VWF: variants seen among roughly 807,000 people sequenced by gnomAD.
VWF encodes the protein Factor VIII related antigen.
VWF carries 176 observed loss-of-function variants against 308.6 expected under a neutral mutation model. The ratio of observed to expected loss-of-function variants is 0.57; its 90% CI spans 0.50 to 0.65. The LOEUF is 0.65. Among genes scored for constraint, VWF ranks in the 30% least tolerant of loss-of-function variants. The pLI, the probability that VWF is intolerant of heterozygous loss-of-function variation, is 0.00. For synonymous variants in VWF, 1,385 were observed against 1,443.4 expected (o/e 0.96, Z 0.92); for missense variants, 3,146 against 3,648.2 (o/e 0.86, Z 3.55).
intron 49 of VWF, 51 bp downstream of exon 49, chr12:5,952,340 C>T: frequency 1.2e-6 from 2 of 1,611,820 alleles, no homozygotes; most frequent in South Asian, 1.1e-5. Flanking sequence ...TCAGAAGAAT[C>T]TTGTTCTTAG....
At chr12:6,055,733 C>T (rs1944569619) in intron 15 of VWF, among the ~76,000 whole-genome samples, 1 of 140,722 alleles carries the variant, frequency 7.1e-6, no homozygotes, top group Non-Finnish European at 1.6e-5. Context: ...TCCAACAGGA[C>T]CATCTACTTT....
intron 6 of VWF, among the ~76,000 whole-genome samples, chr12:6,093,725 C>T (rs1945075622): frequency 6.6e-6 from 1 of 152,210 alleles, no homozygotes; most frequent in African/African-American, 2.4e-5. Flanking sequence ...AGGGAATTAC[C>T]CATTGAGTGA....
chr12:6,040,874 T>C (rs1591878340), intron 18 of VWF, among the ~76,000 whole-genome samples: 2 of 152,146 alleles, frequency 1.3e-5, no homozygotes, highest in East Asian at 3.9e-4. Context: ...CCCGCCAATA[T>C]TTTCAAACAG....
Position 6,047,699 on chromosome 12 carries a change from A to G in VWF, c.2187-882T>C, listed in dbSNP as rs7136872. 5.8e-3 allele frequency among the ~76,000 whole-genome samples: 879 copies of G among 152,348 alleles called. 9 individuals are homozygous for G. Among genetic ancestry groups the G allele is most frequent in the African/African-American group, 0.02 (817 of 41,588 alleles). ...TATGTATGTTTAGTTTGTATAAATG[A>G]TATCACATAGCATGCTGTGTTTTGC... On this transcript the variant is annotated intron_variant, in intron 16 of 51. Transcript: ENST00000261405.
intron 13 of VWF, among the ~76,000 whole-genome samples, chr12:6,061,288 G>A (rs1944651716): frequency 6.6e-6 from 1 of 152,022 alleles, no homozygotes. Context: ...GACTGGTCAG[G>A]AACCAGGAGA....
intron 10 of VWF, among the ~76,000 whole-genome samples, chr12:6,067,167 T>G (rs1216332245): frequency 6.6e-6 from 1 of 152,240 alleles, no homozygotes; most frequent in Non-Finnish European, 1.5e-5. Flanking sequence ...CAGCCCATTC[T>G]GGATGTGCTG....
At chr12:6,114,589 G>A (rs1486502265) in intron 3 of VWF, among the ~76,000 whole-genome samples, 1 of 152,156 alleles carries the variant, frequency 6.6e-6, no homozygotes, top group African/African-American at 2.4e-5. Flanking sequence ...CTGGCCAGGC[G>A]GCAGACCCTG....
intron 40 of VWF, among the ~76,000 whole-genome samples, 166 bp downstream of exon 40, chr12:5,984,879 T>C (rs955384170): frequency 1.3e-5 from 2 of 152,244 alleles, no homozygotes; most frequent in African/African-American, 2.4e-5. Context: ...AATCCTATTC[T>C]CCAGAGGTAA....
Position 5,976,150 on chromosome 12 carries a change from G to C in VWF, c.7398C>G (p.Ala2466=). Residue 2466 remains alanine, a synonymous_variant, in exon 43 of 52, where the codon GCC becomes GCG. Transcript: ENST00000261405. ...MEDAVMGLRV[A]QCSQKPCEDS... is the part of the protein sequence containing the mutation. ...CCTCACAGGGCTTCTGGGAGCACTG[G>C]GCCACGCGGAGGCCCATCACGGCAT... The C allele has an allele frequency of 1.2e-6, 2 of 1,614,014 alleles. No homozygotes were observed. The highest frequency in any genetic ancestry group is 1.3e-5 in the African/African-American group (1 of 75,038).
At chr12:6,050,786 T>A (rs564666529) in intron 16 of VWF, among the ~76,000 whole-genome samples, 2 of 152,076 alleles carry the variant, frequency 1.3e-5, no homozygotes, top group East Asian at 3.9e-4. Flanking sequence ...CGAAACCCCG[T>A]CTCTACTAAA....
rs758156301 is a variant in VWF at position 5,981,937 on chromosome 12, C to A, written c.7136G>T (p.Arg2379Leu). ...CTGGGTCTTCCGAAGGGTGGGCAAACGGTGCGGGGGGCAGGAGGGTGGGGA... is the reference window on the plus strand; with the variant it reads ...CTGGGTCTTCCGAAGGGTGGGCAAAAGGTGCGGGGGGCAGGAGGGTGGGGA... ...RVSPPSCPPHRLPTLRKTQCC... is the reference protein window; with the variant it reads ...RVSPPSCPPHLLPTLRKTQCC... The change falls in exon 42 of 52, where the codon CGT (arginine) becomes CTT (leucine). Residue 2379 changes from arginine (R) to leucine (L), a missense_variant. By Grantham distance (102) the Arg-to-Leu change is moderately radical (BLOSUM62 -2). Transcript: ENST00000261405. 2.1e-6 allele frequency: 2 copies of A among 951,356 alleles called. No individual in the cohort carries two copies. Among genetic ancestry groups the A allele is most frequent in the South Asian group, 2.5e-5 (2 of 78,612 alleles). 58.9% of individuals were successfully genotyped at this position (951,356 alleles called of 1,614,324 possible). A position where few individuals can be genotyped will look rare whatever the true frequency, so the allele number is the denominator to read the frequency against.
At chr12:6,092,622 T>TGAGAGAGAGTGA (rs1403649370) in intron 6 of VWF, among the ~76,000 whole-genome samples, 4 of 91,528 alleles carry the variant, frequency 4.4e-5, no homozygotes, top group African/African-American at 2.1e-4. Flanking sequence ...AGTGAGAGTG[T>TGAGAGAGAGTGA]GTGTGTGTGT....
At chr12:6,108,552 G>A (rs931042352) in intron 5 of VWF, among the ~76,000 whole-genome samples, 3 of 141,650 alleles carry the variant, frequency 2.1e-5, no homozygotes, top group African/African-American at 7.9e-5. Context: ...ACCAATCAGA[G>A]AATACATTAT....
intron 6 of VWF, among the ~76,000 whole-genome samples, chr12:6,092,112 T>G (rs1945041100): frequency 6.6e-6 from 1 of 152,098 alleles, no homozygotes; most frequent in African/African-American, 2.4e-5. Context: ...TCTTTGTGCA[T>G]GTTTGTAGGT....
At chr12:5,960,417 C>G (rs1943300767) in intron 47 of VWF, among the ~76,000 whole-genome samples, 1 of 152,116 alleles carries the variant, frequency 6.6e-6, no homozygotes, top group Non-Finnish European at 1.5e-5. Context: ...CTGATGAAAT[C>G]TGCCAAACAT....
intron 11 of VWF, among the ~76,000 whole-genome samples, 154 bp downstream of exon 11, chr12:6,064,983 C>T (rs1404275329): frequency 3.3e-5 from 5 of 152,186 alleles, no homozygotes; most frequent in Non-Finnish European, 2.9e-5. Flanking sequence ...GGCTGGGTTT[C>T]TGGATGAATG....
intron 6 of VWF, among the ~76,000 whole-genome samples, chr12:6,079,480 G>A (rs1057219134): frequency 2.0e-5 from 3 of 152,080 alleles, no homozygotes; most frequent in Non-Finnish European, 4.4e-5. Flanking sequence ...CATGGTGGCG[G>A]GCACCTGTAG....
At chr12:6,057,093 G>A in intron 14 of VWF, 21 bp from the exon 15 acceptor site, 3 of 1,526,910 alleles carry the variant, frequency 2.0e-6, no homozygotes, top group Non-Finnish European at 2.6e-6. Context: ...AGAGGAGCGA[G>A]CCTGGGATGT....
chr12:6,041,425 G>A (rs990728217), intron 18 of VWF, among the ~76,000 whole-genome samples: 1 of 150,834 alleles, frequency 6.6e-6, no homozygotes, highest in Non-Finnish European at 1.5e-5. Context: ...GCAAAACTCC[G>A]TCTCAAAAAA....
Sources: gnomAD v4.1 joint callset for allele counts (sites outside exome capture counted in the v4.1 genomes callset) on GRCh38, gnomAD v4.1.1 for gene constraint, MANE v1.5 for transcripts, NCBI Gene and HGNC (gene_info 2026-07-23, HGNC 2026-07-21) for gene names.